PHF21B: variants seen among roughly 807,000 people sequenced by gnomAD.
PHF21B encodes PHD finger protein 21B.
A neutral mutation model predicts 62.2 loss-of-function variants in PHF21B; 22 were observed. The ratio of observed to expected loss-of-function variants is 0.35; its 90% CI spans 0.25 to 0.51. PHF21B has a LOEUF of 0.51. PHF21B is among the 20% of genes least tolerant of loss of function. PHF21B has a pLI of 0.97. For synonymous variants in PHF21B, 341 were observed against 314.7 expected (o/e 1.08, Z -0.88); for missense variants, 701 against 707.9 (o/e 0.99, Z 0.11).
chr22:44,925,546 G>A (rs1026167630), intron 2 of PHF21B, among the ~76,000 whole-genome samples: 3 of 152,126 alleles, frequency 2.0e-5, no homozygotes, highest in South Asian at 2.1e-4. Context: ...GGAACCAAAT[G>A]ACCCACATTC....
intron 2 of PHF21B, among the ~76,000 whole-genome samples, chr22:44,980,639 A>C (rs1031291267): frequency 1.3e-5 from 2 of 152,224 alleles, no homozygotes; most frequent in Non-Finnish European, 1.5e-5. Context: ...CGAAGCTTCC[A>C]AATCCATACA....
At chr22:44,969,665 CA>C (rs1037754495) in intron 2 of PHF21B, among the ~76,000 whole-genome samples, 1 of 148,254 alleles carries the variant, frequency 6.7e-6, no homozygotes, top group Non-Finnish European at 1.5e-5. Flanking sequence ...GACTCAGTCT[CA>C]AAAAAAAAGA....
chr22:44,892,771 G>T (rs1011134048), intron 7 of PHF21B, among the ~76,000 whole-genome samples: 1 of 152,222 alleles, frequency 6.6e-6, no homozygotes, highest in Non-Finnish European at 1.5e-5. Context: ...ATGACATTAG[G>T]ATTTTAACCT....
rs114978358 is a variant in PHF21B, at chr22:44,951,268, C to A, written c.121-30778G>T. Among the ~76,000 whole-genome samples the A allele has an allele frequency of 3.7e-3, 557 of 152,292 alleles. 5 individuals carry two copies. The highest frequency in any genetic ancestry group is 0.013 in the African/African-American group (528 of 41,560). Reference sequence around the variant, plus strand: ...ACCGCAGATCATCGGGCATTAGATTCTCATAAGGAGTGCACAGCCTAGATC... The same window carrying A: ...ACCGCAGATCATCGGGCATTAGATTATCATAAGGAGTGCACAGCCTAGATC... On this transcript the variant is annotated intron_variant, in intron 2 of 12. Coordinates refer to ENST00000313237, the MANE Select transcript of PHF21B (RefSeq NM_138415.5).
In PHF21B at chr22:44,881,257, TG is replaced by T. The variant is rs1440505434; in HGVS notation, c.*1828del. The T allele has an allele frequency of 6.5e-6, 1 of 152,696 alleles. No homozygotes were observed. Among genetic ancestry groups the T allele is most frequent in the Non-Finnish European group, 1.5e-5 (1 of 68,058 alleles). 9.5% of individuals were successfully genotyped at this position (152,696 alleles called of 1,614,324 possible). On this transcript the variant is annotated 3_prime_UTR_variant, in exon 13 of 13. Coordinates refer to ENST00000313237, the MANE Select transcript of PHF21B (RefSeq NM_138415.5). ...CTTTTTCTCTATCCTCACTACCCAC[TG>T]GACGGTCCTCCTTGGTCCAAAAAAA...
chr22:44,899,594 C>T (rs1338679856), intron 5 of PHF21B, among the ~76,000 whole-genome samples: 1 of 152,094 alleles, frequency 6.6e-6, no homozygotes, highest in African/African-American at 2.4e-5. Flanking sequence ...CCAGCCTCTT[C>T]TTTTTTCTTC....
chr22:44,996,691 TACATGCATATACACATGCAGACATATAC>T (rs1569282081), intron 2 of PHF21B, among the ~76,000 whole-genome samples: 1 of 151,598 alleles, frequency 6.6e-6, no homozygotes, highest in Non-Finnish European at 1.5e-5. Flanking sequence ...CACACACGCA[TACATGCATATACACATGCAGACATATAC>T]ACATGCATGC....
At chr22:45,004,864 T>G (rs2073286702) in intron 2 of PHF21B, among the ~76,000 whole-genome samples, 1 of 152,050 alleles carries the variant, frequency 6.6e-6, no homozygotes, top group Admixed American at 6.6e-5. Context: ...GAACCCAGAG[T>G]TCATCAGCTC....
intron 2 of PHF21B, among the ~76,000 whole-genome samples, chr22:44,944,693 C>T (rs563776794): frequency 1.8e-4 from 27 of 152,248 alleles, no homozygotes; most frequent in Middle Eastern, 3.4e-3. Flanking sequence ...TCCTGGCCTT[C>T]GAACGGGAAT....
At chr22:44,975,720 G>C (rs916439444) in intron 2 of PHF21B, among the ~76,000 whole-genome samples, 1 of 152,228 alleles carries the variant, frequency 6.6e-6, no homozygotes, top group African/African-American at 2.4e-5. Flanking sequence ...TAAAGAGGCT[G>C]CCCTGAGTGC....
rs187941421 is a variant in PHF21B at position 44,976,441 on chromosome 22, T to C, written c.120+32104A>G. 3.7e-4 allele frequency among the ~76,000 whole-genome samples: 57 copies of C among 152,358 alleles called. 1 individual carries two copies. Among genetic ancestry groups the C allele is most frequent in the Admixed American group, 6.5e-5 (1 of 15,300 alleles). On this transcript the variant is annotated intron_variant, in intron 2 of 12. Coordinates refer to ENST00000313237, the MANE Select transcript of PHF21B (RefSeq NM_138415.5). ...TTCCTCCCACCTAACTGTAACTTTGTACCCATTGACCAATCTTTCCCTATC... is the reference window on the plus strand; with the variant it reads ...TTCCTCCCACCTAACTGTAACTTTGCACCCATTGACCAATCTTTCCCTATC...
At chr22:44,997,627 T>C (rs944303212) in intron 2 of PHF21B, among the ~76,000 whole-genome samples, 2 of 152,322 alleles carry the variant, frequency 1.3e-5, no homozygotes, top group East Asian at 3.9e-4. Context: ...TTCTGGATCA[T>C]AGTCTCTAAT....
intron 5 of PHF21B, among the ~76,000 whole-genome samples, chr22:44,899,348 T>C (rs2147269885): frequency 6.9e-6 from 1 of 144,746 alleles, no homozygotes; most frequent in East Asian, 2.1e-4. Context: ...TGGAGTGCAG[T>C]GGCATGATCT....
In PHF21B at chr22:44,893,995, C is replaced by T. The variant is rs147719502; in HGVS notation, c.884-462G>A. Reference sequence around the variant, plus strand: ...AGTGCAGCCCCCAGCAGGAATCCTTCGCATGCGAGCGAGAGGGGGCATGGC... The same window carrying T: ...AGTGCAGCCCCCAGCAGGAATCCTTTGCATGCGAGCGAGAGGGGGCATGGC... On this transcript the variant is annotated intron_variant, in intron 6 of 12. Coordinates refer to ENST00000313237, the MANE Select transcript of PHF21B (RefSeq NM_138415.5). Among the ~76,000 whole-genome samples the T allele has an allele frequency of 4.9e-3, 745 of 152,334 alleles. 5 individuals are homozygous for T. Among genetic ancestry groups the T allele is most frequent in the African/African-American group, 0.017 (710 of 41,570 alleles).
intron 2 of PHF21B, among the ~76,000 whole-genome samples, chr22:44,931,975 G>A (rs1242531511): frequency 1.3e-5 from 2 of 152,210 alleles, no homozygotes; most frequent in Admixed American, 6.5e-5. Context: ...GGGCTGGACA[G>A]GAGGGACATC....
intron 12 of PHF21B, among the ~76,000 whole-genome samples, chr22:44,884,431 TTATCACCACCACCACCATCA>T: frequency 2.3e-5 from 1 of 44,286 alleles, no homozygotes; most frequent in Non-Finnish European, 6.1e-5. Flanking sequence ...ATGATCACCA[TTATCACCACCACCACCATCA>T]CGGTGATGAG....
chr22:44,888,263 A>G, intron 9 of PHF21B, 142 bp from the exon 10 acceptor site: 1 of 1,054,022 alleles, frequency 9.5e-7, no homozygotes, highest in Non-Finnish European at 1.3e-6. Flanking sequence ...CTCTACGGAG[A>G]GAGAGGGATA....
At chr22:44,907,951 G>A (rs981590518) in intron 5 of PHF21B, among the ~76,000 whole-genome samples, 1 of 152,210 alleles carries the variant, frequency 6.6e-6, no homozygotes, top group African/African-American at 2.4e-5. Flanking sequence ...GCGCTGGGGG[G>A]GTGAGGCCAG....
intron 2 of PHF21B, chr22:44,989,404 C>G (rs1455526545): frequency 6.6e-6 from 1 of 152,130 alleles, no homozygotes; most frequent in Non-Finnish European, 1.5e-5. Flanking sequence ...TTTTTAAACC[C>G]ATGAAACGTG....
Sources: gnomAD v4.1 joint callset for allele counts (sites outside exome capture counted in the v4.1 genomes callset) on GRCh38, gnomAD v4.1.1 for gene constraint, MANE v1.5 for transcripts, NCBI Gene and HGNC (gene_info 2026-07-23, HGNC 2026-07-21) for gene names.